The following CAPZA2 variants were observed in gnomAD, a reference collection of about 807,000 sequenced individuals.
The protein encoded by CAPZA2 is capping actin protein of muscle Z-line subunit alpha 2, also known as F-actin-capping protein subunit alpha-2.
A neutral mutation model predicts 44.0 loss-of-function variants in CAPZA2; 13 were observed. That is an observed-to-expected ratio of 0.30 (90% CI 0.19 to 0.47). The LOEUF is 0.47. CAPZA2 is among the 20% of genes least tolerant of loss of function. CAPZA2 has a pLI of 1.00. For synonymous variants in CAPZA2, 94 were observed against 108.2 expected, an observed-to-expected ratio of 0.87 and a Z score of 0.81; for missense variants, 244 against 338.6, an observed-to-expected ratio of 0.72 and a Z score of 2.19.
rs1239272415 is a variant in CAPZA2, at chr7:116,918,414, G to A, written c.*547G>A. The A allele has an allele frequency of 6.5e-6, 1 of 152,736 alleles. No homozygotes were observed. Among genetic ancestry groups the A allele is most frequent in the Non-Finnish European group, 1.5e-5 (1 of 68,132 alleles). 9.5% of individuals were successfully genotyped at this position (152,736 alleles called of 1,614,324 possible). ...AATTGTGTTTAAACCTTTCAAGAAG[G>A]TTATTTAGCTAGCTTAGTGTTGAAC... On this transcript the variant is annotated 3_prime_UTR_variant, in exon 10 of 10. Coordinates refer to ENST00000361183, the MANE Select transcript of CAPZA2 (RefSeq NM_006136.3).
At chr7:116,916,982 G>A (rs1791688336) in intron 9 of CAPZA2, among the ~76,000 whole-genome samples, 1 of 151,976 alleles carries the variant, frequency 6.6e-6, no homozygotes, top group Non-Finnish European at 1.5e-5. Flanking sequence ...TTAGCATTTG[G>A]ATTATGTGTA....
intron 5 of CAPZA2, chr7:116,904,691 G>A (rs1335854253): frequency 4.8e-6 from 1 of 209,352 alleles, no homozygotes; most frequent in African/African-American, 2.3e-5. Flanking sequence ...TCTCAGTTTA[G>A]ATCAAAGTTA....
In CAPZA2 at chr7:116,920,240, G is replaced by C. The variant is rs974026173; in HGVS notation, c.*2373G>C. On this transcript the variant is annotated 3_prime_UTR_variant, in exon 10 of 10. Transcript: ENST00000361183. ...AGCCTGGGTGACACAGGGAGCCTCT[G>C]TCTCAAAATAATAATAATAATAAAA... 1 of 144,198 alleles carries C rather than the reference G, an allele frequency of 6.9e-6. No individual in the cohort carries two copies. The highest frequency in any genetic ancestry group is 2.5e-5 in the African/African-American group (1 of 40,044). 8.9% of individuals were successfully genotyped at this position (144,198 alleles called of 1,614,324 possible). A position where few individuals can be genotyped will look rare whatever the true frequency, so the allele number is the denominator to read the frequency against.
At chr7:116,898,464 C>G (rs188006130) in intron 3 of CAPZA2, among the ~76,000 whole-genome samples, 1 of 152,156 alleles carries the variant, frequency 6.6e-6, no homozygotes, top group East Asian at 1.9e-4. Context: ...TATACTTGAA[C>G]AATTGGATGC....
intron 1 of CAPZA2, among the ~76,000 whole-genome samples, chr7:116,887,781 T>G (rs1378679291): frequency 6.6e-6 from 1 of 152,192 alleles, no homozygotes; most frequent in African/African-American, 2.4e-5. Flanking sequence ...TGCAGTGAGC[T>G]GAGATTGTGC....
In CAPZA2 at chr7:116,889,076, A is replaced by T. The variant is rs551912015; in HGVS notation, c.103+886A>T. Among the ~76,000 whole-genome samples the T allele has an allele frequency of 1.8e-3, 281 of 152,316 alleles. 1 individual carries two copies. Among genetic ancestry groups the T allele is most frequent in the Non-Finnish European group, 3.5e-3 (240 of 68,010 alleles). ...ATGCGTTCCTTTAAACTTCACTGGC[A>T]GACGTTTTTATAATTATTCACCCAT... On this transcript the variant is annotated intron_variant, in intron 2 of 9. Coordinates refer to ENST00000361183, the MANE Select transcript of CAPZA2 (RefSeq NM_006136.3).
rs1365412190 is a variant in CAPZA2 at position 116,920,206 on chromosome 7, C to G, written c.*2339C>G. On this transcript the variant is annotated 3_prime_UTR_variant, in exon 10 of 10. Coordinates refer to ENST00000361183, the MANE Select transcript of CAPZA2 (RefSeq NM_006136.3). ...GTTGCAGTGAGCAGAGATCGAGCCACTGTACTCCAGCCTGGGTGACACAGG... is the reference window on the plus strand; with the variant it reads ...GTTGCAGTGAGCAGAGATCGAGCCAGTGTACTCCAGCCTGGGTGACACAGG... 1 of 152,074 alleles carries G rather than the reference C, an allele frequency of 6.6e-6. No homozygotes were observed. Among genetic ancestry groups the G allele is most frequent in the Non-Finnish European group, 1.5e-5 (1 of 68,080 alleles). 9.4% of individuals were successfully genotyped at this position (152,074 alleles called of 1,614,324 possible). A position where few individuals can be genotyped will look rare whatever the true frequency, so the allele number is the denominator to read the frequency against.
chr7:116,862,687 A>G (rs1796432212), intron 1 of CAPZA2, 37 bp downstream of exon 1: 3 of 1,511,238 alleles, frequency 2.0e-6, no homozygotes, highest in East Asian at 2.8e-5. Context: ...GGCTGTCAGG[A>G]GCCGGCTCAG....
intron 8 of CAPZA2, 70 bp downstream of exon 8, chr7:116,912,210 C>T (rs1791606043): frequency 1.3e-6 from 2 of 1,574,230 alleles, no homozygotes; most frequent in African/African-American, 2.7e-5. Context: ...TTGGAATGAA[C>T]ATTTTAAGTA....
chr7:116,873,388 C>T (rs1420489636), intron 1 of CAPZA2: 1 of 152,066 alleles, frequency 6.6e-6, no homozygotes, highest in Admixed American at 6.5e-5. Context: ...TTTATACTTT[C>T]ATCTCCTTTA....
At chr7:116,887,988 T>A in intron 1 of CAPZA2, 139 bp from the exon 2 acceptor site, 1 of 609,296 alleles carries the variant, frequency 1.6e-6, no homozygotes, top group Admixed American at 2.9e-5. Context: ...TTAAGGTGAT[T>A]GAGTGAAAAA....
chr7:116,910,537 A>C (rs1016459439), intron 7 of CAPZA2, among the ~76,000 whole-genome samples: 1 of 152,230 alleles, frequency 6.6e-6, no homozygotes, highest in Non-Finnish European at 1.5e-5. Context: ...TATAAAACAC[A>C]GCTAAAATTA....
chr7:116,914,262 C>T (rs1321645706), intron 8 of CAPZA2, among the ~76,000 whole-genome samples: 1 of 151,988 alleles, frequency 6.6e-6, no homozygotes, highest in Non-Finnish European at 1.5e-5. Flanking sequence ...ATCTCCTGAC[C>T]TCGTGATCCA....
At chr7:116,863,946 C>A (rs767618540) in intron 1 of CAPZA2, among the ~76,000 whole-genome samples, 5 of 151,988 alleles carry the variant, frequency 3.3e-5, no homozygotes, top group Non-Finnish European at 5.9e-5. Flanking sequence ...TCTTTATTTT[C>A]GGAAATCTTT....
chr7:116,905,069 G>A (rs533121918), intron 5 of CAPZA2, among the ~76,000 whole-genome samples: 192 of 149,332 alleles, frequency 1.3e-3, no homozygotes, highest in Non-Finnish European at 2.4e-3. Context: ...AACCCAGGAG[G>A]CAGAGGTTGC....
In CAPZA2 at chr7:116,904,219, T is replaced by C. The variant is rs1227700728; in HGVS notation, c.262T>C (p.Leu88=). Residue 88 remains leucine, a synonymous_variant, in exon 5 of 10, where the codon TTG becomes CTG. Transcript: ENST00000361183. ...EHGDLGNGKF[L]DPKNRICFKF... ...TGGCGACTTGGGAAATGGAAAGTTT[T>C]TGGATCCAAAGAACAGAATCTGTTT... 1 of 1,613,984 alleles carries C rather than the reference T, an allele frequency of 6.2e-7. No homozygotes were observed. The highest frequency in any genetic ancestry group is 1.7e-5 in the Admixed American group (1 of 60,022).
At chr7:116,877,351 G>A (rs1461777024) in intron 1 of CAPZA2, among the ~76,000 whole-genome samples, 1 of 152,156 alleles carries the variant, frequency 6.6e-6, no homozygotes, top group Non-Finnish European at 1.5e-5. Context: ...CTGCTGCTGT[G>A]TGCAGTTTCA....
In CAPZA2 at chr7:116,867,129, T is replaced by C. The variant is rs564892123; in HGVS notation, c.39+4479T>C. 6.6e-5 allele frequency among the ~76,000 whole-genome samples: 10 copies of C among 152,362 alleles called. No homozygotes were observed. In the South Asian group the frequency reaches 1.9e-3, roughly 28 times the overall value. Reference sequence around the variant, plus strand: ...ATTTCTTGCTTGAAAAGTTAATTCATTTATATTAATACTTCGTTTATTATC... The same window carrying C: ...ATTTCTTGCTTGAAAAGTTAATTCACTTATATTAATACTTCGTTTATTATC... On this transcript the variant is annotated intron_variant, in intron 1 of 9. Coordinates refer to ENST00000361183, the MANE Select transcript of CAPZA2 (RefSeq NM_006136.3).
rs201926723 is a variant in CAPZA2, at chr7:116,865,174, C to CTTTTT, written c.39+2526_39+2527insTTTTT. On this transcript the variant is annotated intron_variant, in intron 1 of 9. Transcript: ENST00000361183. ...ATGTTCTTGTGACATTATGCGCTCT[C>CTTTTT]TTCTTTTTTTTTTTTTTTTTTTTTT... 7.4e-4 allele frequency among the ~76,000 whole-genome samples: 90 copies of CTTTTT among 122,074 alleles called. 9 individuals carry two copies. Among genetic ancestry groups the CTTTTT allele is most frequent in the African/African-American group, 2.9e-3 (88 of 30,044 alleles). The allele number at this position is 122,074 out of a possible 152,430, so 80.1% of individuals were successfully genotyped here. A position where few individuals can be genotyped will look rare whatever the true frequency, so the allele number is the denominator to read the frequency against.
Sources: gnomAD v4.1 joint callset for allele counts (sites outside exome capture counted in the v4.1 genomes callset) on GRCh38, gnomAD v4.1.1 for gene constraint, MANE v1.5 for transcripts, NCBI Gene and HGNC (gene_info 2026-07-23, HGNC 2026-07-21) for gene names.